The following PRKDC variants were observed in gnomAD, a reference collection of about 807,000 sequenced individuals.
PRKDC encodes the protein DNA-dependent protein kinase catalytic subunit.
A neutral mutation model predicts 486.9 loss-of-function variants in PRKDC; 82 were observed. The ratio of observed to expected loss-of-function variants is 0.17; its 90% confidence interval spans 0.14 to 0.20. The LOEUF (loss-of-function observed/expected upper bound fraction) is 0.20. Among genes scored for constraint, PRKDC ranks in the 10% least tolerant of loss-of-function variants. The pLI, the probability that PRKDC is intolerant of heterozygous loss-of-function variation, is 1.00. For missense variants in PRKDC, 4,504 were observed against 5,038.2 expected (o/e 0.89, Z 3.21); for synonymous variants, 1,895 against 1,837.0 (o/e 1.03, Z -0.81).
intron 71 of PRKDC, among the ~76,000 whole-genome samples, chr8:47,800,547 A>G (rs2087083906): frequency 6.6e-6 from 1 of 152,128 alleles, no homozygotes; most frequent in African/African-American, 2.4e-5. Context: ...AGCATGGCAC[A>G]TGTATACATA....
Position 47,783,808 on chromosome 8 carries a change from A to C in PRKDC, c.11109T>G (p.Gly3703=), listed in dbSNP as rs532501142. ...ATGGCTTTCCCCTACCGTCATACTG[A>C]CCTAAAACAAACCAGAACCTTGCTT... ...EFLRNELEIP[G]QYDGRGKPLP... Residue 3703 remains glycine, a splice_region_variant and synonymous_variant, in exon 78 of 86, where the codon GGT becomes GGG. Coordinates refer to ENST00000314191, the MANE Select transcript of PRKDC (RefSeq NM_006904.7). 2.5e-6 allele frequency: 4 copies of C among 1,613,928 alleles called. No homozygotes were observed. The South Asian group carries it at 4.4e-5, about 18-fold the overall frequency.
chr8:47,857,838 G>A (rs1481001795), intron 48 of PRKDC, among the ~76,000 whole-genome samples: 1 of 152,142 alleles, frequency 6.6e-6, no homozygotes, highest in Non-Finnish European at 1.5e-5. Flanking sequence ...CTTCTACGGA[G>A]CCAAGTGGAT....
chr8:47,873,170 C>T (rs2088997228), intron 40 of PRKDC, among the ~76,000 whole-genome samples: 1 of 147,308 alleles, frequency 6.8e-6, no homozygotes, highest in Admixed American at 6.9e-5. Flanking sequence ...CCATATGATC[C>T]AGCAATCTCA....
At chr8:47,878,928 T>C (rs1336189374) in intron 39 of PRKDC, among the ~76,000 whole-genome samples, 1 of 152,164 alleles carries the variant, frequency 6.6e-6, no homozygotes, top group Non-Finnish European at 1.5e-5. Flanking sequence ...ATCTCATGTA[T>C]ACACAAACAT....
intron 36 of PRKDC, among the ~76,000 whole-genome samples, chr8:47,883,289 T>C (rs568671809): frequency 6.6e-6 from 1 of 152,378 alleles, no homozygotes; most frequent in Admixed American, 6.5e-5. Context: ...TGTCATTCAA[T>C]TTCTAGATCC....
chr8:47,819,576 A>T (rs1392676481), intron 66 of PRKDC, 66 bp from the exon 67 acceptor site: 4 of 874,000 alleles, frequency 4.6e-6, no homozygotes, highest in Admixed American at 5.9e-5. Context: ...TCAAGCTGTG[A>T]CTTTAAGTTT....
At chr8:47,944,371 C>T (rs2090494887) in intron 7 of PRKDC, among the ~76,000 whole-genome samples, 1 of 151,490 alleles carries the variant, frequency 6.6e-6, no homozygotes, top group Non-Finnish European at 1.5e-5. Flanking sequence ...CCGTATATAC[C>T]TTTTAGGATA....
chr8:47,920,423 T>C (rs72647918), intron 21 of PRKDC, among the ~76,000 whole-genome samples: 11,979 of 152,262 alleles, frequency 0.079, 676 homozygotes, highest in Admixed American at 0.19. Flanking sequence ...TTGTGTATAA[T>C]GTTCTCCTGT....
Position 47,857,279 on chromosome 8 carries a change from C to G in PRKDC, c.6486G>C (p.Lys2162Asn). ...GCTGCAGCAAGGGGCTAAGCCAGTG[C>G]TTCGCGTAAGGGCGAAAGACCTACA... ...NTEEVFRPYA[K>N]HWLSPLLQLA... Residue 2162 changes from lysine to asparagine, a missense_variant, in exon 49 of 86, where the codon AAG becomes AAC. Coordinates refer to ENST00000314191, the MANE Select transcript of PRKDC (RefSeq NM_006904.7). The G allele has an allele frequency of 1.2e-6, 2 of 1,612,654 alleles. No homozygotes were observed. The highest frequency in any genetic ancestry group is 1.7e-6 in the Non-Finnish European group (2 of 1,179,454).
intron 38 of PRKDC, among the ~76,000 whole-genome samples, chr8:47,880,976 G>A (rs2089201564): frequency 6.6e-6 from 1 of 151,842 alleles, no homozygotes; most frequent in East Asian, 1.9e-4. Context: ...GAACCCAAGA[G>A]GCGGAGGTTG....
chr8:47,815,716 T>G (rs1218257227), intron 68 of PRKDC, among the ~76,000 whole-genome samples: 1 of 152,116 alleles, frequency 6.6e-6, no homozygotes, highest in African/African-American at 2.4e-5. Context: ...AATGGTAGAG[T>G]TGGAAATTAT....
chr8:47,885,368 G>C (rs2089303717), intron 36 of PRKDC, among the ~76,000 whole-genome samples: 1 of 151,516 alleles, frequency 6.6e-6, no homozygotes, highest in Non-Finnish European at 1.5e-5. Context: ...CGCCAGGCTG[G>C]GCTTGAATTC....
At chr8:47,843,487 C>G (rs2154499996) in intron 54 of PRKDC, among the ~76,000 whole-genome samples, 1 of 152,160 alleles carries the variant, frequency 6.6e-6, no homozygotes, top group East Asian at 1.9e-4. Flanking sequence ...GGATATAGTC[C>G]ATGAAAATGT....
At chr8:47,874,399 T>C (rs2089041257) in intron 40 of PRKDC, among the ~76,000 whole-genome samples, 1 of 152,194 alleles carries the variant, frequency 6.6e-6, no homozygotes, top group African/African-American at 2.4e-5. Context: ...ATTATACACA[T>C]GTATCAAAAT....
intron 7 of PRKDC, among the ~76,000 whole-genome samples, chr8:47,947,622 G>C (rs118152765): frequency 1.3e-5 from 2 of 152,126 alleles, no homozygotes; most frequent in African/African-American, 4.8e-5. Context: ...ACAAAAATTA[G>C]TTGGGGCCGG....
intron 52 of PRKDC, 113 bp from the exon 53 acceptor site, chr8:47,849,616 T>G: frequency 8.1e-7 from 1 of 1,232,570 alleles, no homozygotes; most frequent in Non-Finnish European, 1.1e-6. Flanking sequence ...CTCAATGTTG[T>G]CACCTACAAG....
rs8178241 is a variant in PRKDC at position 47,782,649 on chromosome 8, C to T, written c.11176-51G>A. ...GGGCACAGGCTAGCCACGTGTCAAA[C>T]TCAGAGGGAAAAGCCAGAGTGGCTG... is the stretch of plus-strand genomic sequence containing the variant. On this transcript the variant is annotated intron_variant, in intron 78 of 85. Coordinates refer to ENST00000314191, the MANE Select transcript of PRKDC (RefSeq NM_006904.7). This position sits in a 1 kb window ranked among gnomAD's most constrained non-coding sequence, Gnocchi z 4.9. 5.9e-3 allele frequency: 9,106 copies of T among 1,532,354 alleles called. 372 individuals are homozygous for T. In the African/African-American group the frequency reaches 0.097, roughly 16 times the overall value. 94.9% of individuals were successfully genotyped at this position (1,532,354 alleles called of 1,614,324 possible). A position where few individuals can be genotyped will look rare whatever the true frequency, so the allele number is the denominator to read the frequency against.
Position 47,912,698 on chromosome 8 carries a change from T to G in PRKDC, c.2782-136A>C, listed in dbSNP as rs569940020. The G allele has an allele frequency of 2.5e-5, 17 of 687,638 alleles. No individual in the cohort carries two copies. The African/African-American group carries it at 3.1e-4, about 13-fold the overall frequency. 42.6% of individuals were successfully genotyped at this position (687,638 alleles called of 1,614,324 possible). Reference sequence around the variant, plus strand: ...ACTATCATGTAACCCAAATATAAATTAACTGGAATTAACATTTCTTGTTCT... The same window carrying G: ...ACTATCATGTAACCCAAATATAAATGAACTGGAATTAACATTTCTTGTTCT... On this transcript the variant is annotated intron_variant, in intron 24 of 85. Transcript: ENST00000314191.
chr8:47,814,854 ATAAAG>A (rs1450611661), intron 68 of PRKDC, among the ~76,000 whole-genome samples: 1 of 152,224 alleles, frequency 6.6e-6, no homozygotes, highest in Non-Finnish European at 1.5e-5. Context: ...ATCAACTAAA[ATAAAG>A]TAGTTTTCAT....
Sources: allele counts gnomAD v4.1 joint callset (sites outside exome capture counted in the v4.1 genomes callset), GRCh38; gene constraint gnomAD v4.1.1; non-coding constraint Gnocchi (gnomAD v3.1); transcripts MANE v1.5; gene names NCBI Gene and HGNC (gene_info 2026-07-23, HGNC 2026-07-21).